The following RAB3C variants were observed in gnomAD, a reference collection of about 807,000 sequenced individuals.
RAB3C encodes the protein ras-related protein Rab-3C.
Under a neutral mutation model 26.4 loss-of-function variants are expected in RAB3C, and 17 were observed. The observed-to-expected ratio is 0.64, with a 90% CI of 0.44 to 0.97. The LOEUF (loss-of-function observed/expected upper bound fraction) is 0.97. Among genes scored for constraint, RAB3C ranks in the 50% least tolerant of loss-of-function variants. The probability of loss-of-function intolerance (pLI) is 0.00; values close to 1 mark genes in which losing one functional copy is unlikely to be tolerated. For missense variants in RAB3C, 242 were observed against 281.9 expected (o/e 0.86, Z 1.01); for synonymous variants, 91 against 95.9 (o/e 0.95, Z 0.30).
chr5:58,720,212 CTTCAACTTTAAATTTTTGTAGA>C (rs1740719585), intron 2 of RAB3C, among the ~76,000 whole-genome samples: 1 of 151,774 alleles, frequency 6.6e-6, no homozygotes, highest in South Asian at 2.1e-4. Context: ...TTCCCTTTCC[CTTCAACTTTAAATTTTTGTAGA>C]TATATAGAGA....
intron 2 of RAB3C, among the ~76,000 whole-genome samples, chr5:58,713,715 C>T (rs992494231): frequency 6.6e-6 from 1 of 152,110 alleles, no homozygotes; most frequent in African/African-American, 2.4e-5. Context: ...TTTATAAACC[C>T]TCACCTGACT....
chr5:58,851,409 T>A lies in RAB3C; in HGVS notation c.*58T>A. The A allele has an allele frequency of 7.2e-7, 1 of 1,387,908 alleles. No individual in the cohort carries two copies. Among genetic ancestry groups the A allele is most frequent in the Non-Finnish European group, 9.8e-7 (1 of 1,019,004 alleles). 86.0% of individuals were successfully genotyped at this position (1,387,908 alleles called of 1,614,324 possible). ...TCTGGTTGCCAACAAACAGCATTTGTAAATGGTCTATTAGCCTTCATTTAT... is the reference window on the plus strand; with the variant it reads ...TCTGGTTGCCAACAAACAGCATTTGAAAATGGTCTATTAGCCTTCATTTAT... On this transcript the variant is annotated 3_prime_UTR_variant, in exon 5 of 5. Coordinates refer to ENST00000282878, the MANE Select transcript of RAB3C (RefSeq NM_138453.4).
At chr5:58,713,732 A>T (rs566065807) in intron 2 of RAB3C, among the ~76,000 whole-genome samples, 1 of 152,222 alleles carries the variant, frequency 6.6e-6, no homozygotes, top group Non-Finnish European at 1.5e-5. Context: ...GACTTTAAAC[A>T]TAAATTAAAC....
At chr5:58,665,566 G>C (rs1279200772) in intron 2 of RAB3C, among the ~76,000 whole-genome samples, 1 of 152,118 alleles carries the variant, frequency 6.6e-6, no homozygotes. Context: ...TCAGATTGAA[G>C]TAGTACAATA....
At chr5:58,610,879 A>C (rs1579815436) in intron 1 of RAB3C, among the ~76,000 whole-genome samples, 2 of 151,894 alleles carry the variant, frequency 1.3e-5, no homozygotes, top group East Asian at 3.9e-4. Context: ...CCCCTTAGTT[A>C]TTTTTCCTAA....
chr5:58,753,281 T>A (rs572496501), intron 3 of RAB3C, among the ~76,000 whole-genome samples: 162 of 152,320 alleles, frequency 1.1e-3, no homozygotes, highest in African/African-American at 3.9e-3. Context: ...TGAATTAACT[T>A]TCTCTGACCC....
chr5:58,638,367 G>A (rs1361547325), intron 2 of RAB3C, among the ~76,000 whole-genome samples: 1 of 151,580 alleles, frequency 6.6e-6, no homozygotes, highest in African/African-American at 2.4e-5. Flanking sequence ...TTATAAATAA[G>A]CTTGTTTTTC....
intron 2 of RAB3C, among the ~76,000 whole-genome samples, chr5:58,618,735 A>C (rs1362202761): frequency 1.3e-5 from 2 of 152,192 alleles, no homozygotes; most frequent in Non-Finnish European, 2.9e-5. Flanking sequence ...TAATATGTAC[A>C]TAGGAAGAAT....
intron 2 of RAB3C, chr5:58,644,303 G>C (rs1311658519): frequency 6.6e-6 from 1 of 152,214 alleles, no homozygotes; most frequent in East Asian, 1.9e-4. Flanking sequence ...GTATTAGCTG[G>C]ATGACTGTAA....
At chr5:58,597,189 T>TATTATATAATAATATATACTACATAA (rs1746327406) in intron 1 of RAB3C, among the ~76,000 whole-genome samples, 1 of 100,038 alleles carries the variant, frequency 1.0e-5, no homozygotes, top group Non-Finnish European at 1.8e-5. Flanking sequence ...ACATAATATA[T>TATTATATAATAATATATACTACATAA]TATATAATAA....
At chr5:58,689,869 T>C (rs1748526819) in intron 2 of RAB3C, among the ~76,000 whole-genome samples, 1 of 152,130 alleles carries the variant, frequency 6.6e-6, no homozygotes, top group South Asian at 2.1e-4. Flanking sequence ...AGTGGTATAA[T>C]AGACAAACTG....
intron 2 of RAB3C, among the ~76,000 whole-genome samples, chr5:58,675,479 G>A (rs1579851479): frequency 6.6e-6 from 1 of 152,168 alleles, no homozygotes; most frequent in South Asian, 2.1e-4. Context: ...CTTCTCAGCA[G>A]AAAACCTCAC....
At chr5:58,686,895 C>T (rs1748454993) in intron 2 of RAB3C, among the ~76,000 whole-genome samples, 1 of 152,002 alleles carries the variant, frequency 6.6e-6, no homozygotes, top group Non-Finnish European at 1.5e-5. Context: ...GAAGCCTTTG[C>T]CTATTTAACA....
intron 1 of RAB3C, among the ~76,000 whole-genome samples, chr5:58,613,636 A>G (rs1049426919): frequency 2.0e-5 from 3 of 152,156 alleles, no homozygotes; most frequent in Non-Finnish European, 1.5e-5. Flanking sequence ...ACCTATGTTC[A>G]TAACAGTTAA....
intron 3 of RAB3C, among the ~76,000 whole-genome samples, chr5:58,738,694 T>G (rs933037338): frequency 3.3e-5 from 5 of 152,168 alleles, no homozygotes; most frequent in Admixed American, 6.5e-5. Context: ...ATTTGAAGAT[T>G]AAATAAAAGA....
chr5:58,716,054 A>G (rs2111904484), intron 2 of RAB3C, among the ~76,000 whole-genome samples: 1 of 149,830 alleles, frequency 6.7e-6, no homozygotes, highest in African/African-American at 2.5e-5. Flanking sequence ...AGGAAAAAAA[A>G]TAATAAATAA....
chr5:58,588,734 G>T (rs958686588), intron 1 of RAB3C, among the ~76,000 whole-genome samples: 1 of 151,944 alleles, frequency 6.6e-6, no homozygotes, highest in Admixed American at 6.6e-5. Context: ...TATACCTGGG[G>T]TCTGTATCCA....
intron 1 of RAB3C, among the ~76,000 whole-genome samples, chr5:58,601,761 G>T (rs548781113): frequency 3.3e-5 from 5 of 151,906 alleles, no homozygotes; most frequent in Admixed American, 6.6e-5. Flanking sequence ...CTTGCTAATG[G>T]TCTATCAATT....
intron 1 of RAB3C, among the ~76,000 whole-genome samples, chr5:58,587,907 T>C (rs936531851): frequency 6.6e-6 from 1 of 152,070 alleles, no homozygotes; most frequent in Non-Finnish European, 1.5e-5. Context: ...TAGAACTTCA[T>C]ATAGTTCTGT....
Sources: gnomAD v4.1 joint callset for allele counts (sites outside exome capture counted in the v4.1 genomes callset) on GRCh38, gnomAD v4.1.1 for gene constraint, MANE v1.5 for transcripts, NCBI Gene and HGNC (gene_info 2026-07-23, HGNC 2026-07-21) for gene names.